NCOA2: variants seen among roughly 807,000 people sequenced by gnomAD.
NCOA2 encodes nuclear receptor coactivator 2, also known as class E basic helix-loop-helix protein 75.
In NCOA2, 21 loss-of-function variants were observed where a neutral mutation model predicts 145.1. That is an observed-to-expected ratio of 0.14 (90% CI 0.10 to 0.21). NCOA2 has a LOEUF of 0.21. NCOA2 is among the 10% of genes least tolerant of loss of function. The pLI is 1.00. For synonymous variants in NCOA2, 619 were observed against 637.5 expected, an observed-to-expected ratio of 0.97 and a Z score of 0.44; for missense variants, 1,472 against 1,837.6, an observed-to-expected ratio of 0.80 and a Z score of 3.64.
At chr8:70,184,411 C>A (rs1394197561) in intron 4 of NCOA2, among the ~76,000 whole-genome samples, 1 of 152,186 alleles carries the variant, frequency 6.6e-6, no homozygotes, top group Non-Finnish European at 1.5e-5. Flanking sequence ...CAAATTGTCA[C>A]ATTTGCCTGG....
chr8:70,114,707 G>T (rs558865784), intron 22 of NCOA2, among the ~76,000 whole-genome samples: 1 of 152,124 alleles, frequency 6.6e-6, no homozygotes, highest in Non-Finnish European at 1.5e-5. Flanking sequence ...TCTGCTTTGG[G>T]AACAATTGCT....
At chr8:70,237,426 CT>C (rs59737946) in intron 2 of NCOA2, among the ~76,000 whole-genome samples, 111,539 of 142,374 alleles carry the variant, frequency 0.78, 44,747 homozygotes, top group Non-Finnish European at 0.88. Flanking sequence ...CAGTATTTTC[CT>C]TTTTTTTTTT....
intron 1 of NCOA2, among the ~76,000 whole-genome samples, chr8:70,313,409 G>A (rs1395594487): frequency 6.6e-6 from 1 of 152,156 alleles, no homozygotes; most frequent in Admixed American, 6.5e-5. Context: ...ATGTAAGGCA[G>A]CTTAGAAATA....
chr8:70,440,329 G>A, the NCOA2 span, among the ~76,000 whole-genome samples: 1 of 152,184 alleles, frequency 6.6e-6, no homozygotes, highest in African/African-American at 2.4e-5. Flanking sequence ...GCTAGCAGTG[G>A]TGGCTCACGC....
intron 11 of NCOA2, among the ~76,000 whole-genome samples, chr8:70,152,719 G>A (rs1811877893): frequency 6.6e-6 from 1 of 152,142 alleles, no homozygotes; most frequent in Non-Finnish European, 1.5e-5. Context: ...AGAAACAAAT[G>A]TTTAACCACT....
At chr8:70,128,588 G>A (rs1808721005) in intron 17 of NCOA2, 78 bp from the exon 18 acceptor site, 3 of 1,586,714 alleles carry the variant, frequency 1.9e-6, no homozygotes, top group East Asian at 2.2e-5. Flanking sequence ...CCAAGTAACT[G>A]CCCTCCCCAA....
chr8:70,129,077 C>A, intron 16 of NCOA2, 97 bp from the exon 17 acceptor site: 2 of 1,131,146 alleles, frequency 1.8e-6, no homozygotes, highest in Non-Finnish European at 2.5e-6. Context: ...ATATTTGAAG[C>A]TTTTTATACT....
At chr8:70,320,661 TAA>T (rs1158417501) in intron 1 of NCOA2, among the ~76,000 whole-genome samples, 3 of 152,136 alleles carry the variant, frequency 2.0e-5, no homozygotes, top group Non-Finnish European at 4.4e-5. Context: ...GCAAGGAAAT[TAA>T]AAGTTTTTCT....
intron 2 of NCOA2, among the ~76,000 whole-genome samples, chr8:70,229,468 G>A (rs1408892713): frequency 3.3e-5 from 5 of 152,184 alleles, no homozygotes; most frequent in Admixed American, 1.3e-4. Flanking sequence ...CCAAAGTGAA[G>A]GGGAGATGGG....
upstream of NCOA2, among the ~76,000 whole-genome samples, chr8:70,405,437 G>GTT (rs34814735): frequency 0.19 from 10,980 of 59,054 alleles, 3,700 homozygotes; most frequent in East Asian, 0.4. Flanking sequence ...ATTTTTAAAG[G>GTT]TTTTTTTTTT....
intron 20 of NCOA2, 128 bp downstream of exon 20, chr8:70,124,560 A>C: frequency 1.1e-6 from 1 of 951,302 alleles, no homozygotes; most frequent in South Asian, 2.0e-5. Context: ...GCGGTGACCT[A>C]GAAGCCATCC....
the NCOA2 span, among the ~76,000 whole-genome samples, chr8:70,415,179 T>C: frequency 6.6e-6 from 1 of 151,962 alleles, no homozygotes; most frequent in East Asian, 1.9e-4. Context: ...TTTTTTATTT[T>C]TTTTTTTAAT....
intron 1 of NCOA2, among the ~76,000 whole-genome samples, chr8:70,393,388 A>ATTG (rs2131648830): frequency 6.6e-6 from 1 of 152,282 alleles, no homozygotes; most frequent in Non-Finnish European, 1.5e-5. Flanking sequence ...GATATCCTGA[A>ATTG]TTGTACAATT....
At chr8:70,276,936 C>G (rs564230688) in intron 2 of NCOA2, among the ~76,000 whole-genome samples, 20 of 152,204 alleles carry the variant, frequency 1.3e-4, no homozygotes, top group South Asian at 1.0e-3. Context: ...GTCTCATTGT[C>G]TAAGTAAAAT....
chr8:70,351,624 G>A (rs1169513679), intron 1 of NCOA2, among the ~76,000 whole-genome samples: 2 of 126,722 alleles, frequency 1.6e-5, no homozygotes, highest in Non-Finnish European at 3.3e-5. Context: ...GTCTTGCTCT[G>A]TCACCCAGGC....
At chr8:70,384,816 G>C (rs2131504458) in intron 1 of NCOA2, among the ~76,000 whole-genome samples, 1 of 152,260 alleles carries the variant, frequency 6.6e-6, no homozygotes, top group Admixed American at 6.5e-5. Context: ...ATGTAACAGG[G>C]ACAGGAATGT....
At chr8:70,244,923 C>G (rs1197000701) in intron 2 of NCOA2, 1 of 152,110 alleles carries the variant, frequency 6.6e-6, no homozygotes, top group Non-Finnish European at 1.5e-5. Flanking sequence ...CTCCCTTCTA[C>G]AACGCACCGC....
the NCOA2 span, among the ~76,000 whole-genome samples, chr8:70,449,175 A>G: frequency 1.3e-5 from 2 of 152,160 alleles, no homozygotes; most frequent in African/African-American, 2.4e-5. Flanking sequence ...TGTAAACTGA[A>G]AATTTACAAG....
At position 70,287,745 on chromosome 8, in the gene NCOA2, T is replaced by C. The variant is rs934848283; in HGVS notation, c.-20+8999A>G. 2.0e-5 allele frequency among the ~76,000 whole-genome samples: 3 copies of C among 152,340 alleles called. No individual in the cohort carries two copies. The South Asian group carries it at 6.2e-4, about 32-fold the overall frequency. ...ATCATGTCTGATAAAATAGGCAATTTATCAACTTCATGGACTTCAGTCTAG... is the reference window on the plus strand; with the variant it reads ...ATCATGTCTGATAAAATAGGCAATTCATCAACTTCATGGACTTCAGTCTAG... On this transcript the variant is annotated intron_variant, in intron 2 of 22. Transcript: ENST00000452400.
Sources: allele counts gnomAD v4.1 joint callset (sites outside exome capture counted in the v4.1 genomes callset), GRCh38; gene constraint gnomAD v4.1.1; transcripts MANE v1.5; gene names NCBI Gene and HGNC (gene_info 2026-07-23, HGNC 2026-07-21).